CTXND2: variants seen among roughly 807,000 people sequenced by gnomAD.
CTXND2 encodes cortexin domain containing 2.
intron 1 of CTXND2, among the ~76,000 whole-genome samples, chr1:150,892,992 A>G (rs1253965373): frequency 6.6e-6 from 1 of 152,230 alleles, no homozygotes; most frequent in Non-Finnish European, 1.5e-5. Context: ...CTGAATCCAC[A>G]AACATAGTAT....
At position 150,902,030 on chromosome 1, in the gene CTXND2, C is replaced by T. The variant is rs192363580; in HGVS notation, c.-73-10212C>T. The stretch of plus-strand genomic sequence containing the variant: ...CCTGTAATCCCAGGACTTTGGGAGG[C>T]CGAGGCAGGCGGATTACCTGAGATC... On this transcript the variant is annotated intron_variant, in intron 1 of 1. Coordinates refer to ENST00000636087, the Ensembl canonical transcript of CTXND2. Among the ~76,000 whole-genome samples the T allele has an allele frequency of 5.9e-5, 9 of 152,192 alleles. No individual in the cohort carries two copies. In the South Asian group the frequency reaches 6.2e-4, roughly 11 times the overall value.
chr1:150,900,408 GAC>G (rs1176404413), intron 1 of CTXND2, among the ~76,000 whole-genome samples: 2 of 152,148 alleles, frequency 1.3e-5, no homozygotes, highest in African/African-American at 2.4e-5. Flanking sequence ...ACAAACGTTG[GAC>G]ACACCATCTT....
At chr1:150,909,232 C>T (rs1669206129) in intron 1 of CTXND2, among the ~76,000 whole-genome samples, 2 of 118,122 alleles carry the variant, frequency 1.7e-5, no homozygotes, top group Non-Finnish European at 3.4e-5. Flanking sequence ...AGCAAGACTC[C>T]TTCTCAAAAA....
intron 1 of CTXND2, among the ~76,000 whole-genome samples, chr1:150,898,691 G>A (rs971428115): frequency 5.3e-5 from 8 of 151,346 alleles, no homozygotes; most frequent in African/African-American, 1.7e-4. Flanking sequence ...AGGAGGCAGA[G>A]GTTGCAGTGA....
chr1:150,899,836 G>C lies in CTXND2; in HGVS notation c.-73-12406G>C, dbSNP rs141796100. On this transcript the variant is annotated intron_variant, in intron 1 of 1. Coordinates refer to ENST00000636087, the Ensembl canonical transcript of CTXND2. ...GCCAGGTGTGATAGTGAGACATGAA[G>C]CTATCTGGACTTCCTGGGTGGAGTG... Among the ~76,000 whole-genome samples the C allele has an allele frequency of 4.7e-4, 71 of 152,272 alleles. 1 individual carries two copies. The highest frequency in any genetic ancestry group is 2.4e-3 in the Admixed American group (37 of 15,292).
At chr1:150,910,929 G>A (rs1019654685) in intron 1 of CTXND2, among the ~76,000 whole-genome samples, 5 of 151,928 alleles carry the variant, frequency 3.3e-5, no homozygotes, top group East Asian at 1.9e-4. Flanking sequence ...CTCAGCCTCC[G>A]GAGTAGCTGG....
intron 1 of CTXND2, among the ~76,000 whole-genome samples, chr1:150,900,111 C>G (rs587774188): frequency 5.3e-5 from 8 of 152,126 alleles, no homozygotes; most frequent in African/African-American, 1.9e-4. Flanking sequence ...CCCTTTCCAC[C>G]GTGTGGAGGC....
At chr1:150,897,127 C>T (rs898330118) in intron 1 of CTXND2, among the ~76,000 whole-genome samples, 2 of 152,038 alleles carry the variant, frequency 1.3e-5, no homozygotes, top group African/African-American at 4.8e-5. Context: ...GCCTTGGAGC[C>T]CCATTAAGAC....
intron 1 of CTXND2, among the ~76,000 whole-genome samples, chr1:150,908,374 A>G (rs1286268966): frequency 6.6e-6 from 1 of 152,130 alleles, no homozygotes; most frequent in Non-Finnish European, 1.5e-5. Flanking sequence ...GCCACTTTAC[A>G]TTCCCACCAA....
At chr1:150,901,273 A>G (rs1182467691) in intron 1 of CTXND2, among the ~76,000 whole-genome samples, 1 of 152,234 alleles carries the variant, frequency 6.6e-6, no homozygotes, top group Non-Finnish European at 1.5e-5. Context: ...AAGATACACC[A>G]TGTTCACGGA....
At chr1:150,913,107 A>T (rs1256623057) in exon 2 of CTXND2, 1 of 152,156 alleles carries the variant, frequency 6.6e-6, no homozygotes, top group African/African-American at 2.4e-5. Context: ...GCTTATTTGG[A>T]AAAATGGTCT....
intron 1 of CTXND2, 57 bp from the exon 2 acceptor site, chr1:150,912,185 T>C (rs947033583): frequency 7.6e-6 from 3 of 397,128 alleles, no homozygotes; most frequent in Non-Finnish European, 1.3e-5. Flanking sequence ...CACAGTGTTA[T>C]TAAGAAAACA....
At chr1:150,901,274 T>C (rs778579301) in intron 1 of CTXND2, among the ~76,000 whole-genome samples, 6 of 152,236 alleles carry the variant, frequency 3.9e-5, no homozygotes, top group Non-Finnish European at 8.8e-5. Flanking sequence ...AGATACACCA[T>C]GTTCACGGAT....
intron 1 of CTXND2, among the ~76,000 whole-genome samples, chr1:150,897,768 C>T (rs1485989578): frequency 6.6e-6 from 1 of 152,178 alleles, no homozygotes; most frequent in Non-Finnish European, 1.5e-5. Context: ...TATATATATA[C>T]ACCCAAAGGG....
intron 1 of CTXND2, among the ~76,000 whole-genome samples, chr1:150,907,358 A>G (rs983851803): frequency 1.3e-5 from 2 of 152,226 alleles, no homozygotes; most frequent in Non-Finnish European, 2.9e-5. Context: ...GCTCTAAGCA[A>G]CCACTAATCT....
intron 1 of CTXND2, among the ~76,000 whole-genome samples, chr1:150,907,071 G>C (rs1469238282): frequency 1.3e-5 from 2 of 152,088 alleles, no homozygotes; most frequent in African/African-American, 4.8e-5. Flanking sequence ...TCCTGATCCT[G>C]TACAATGCAG....
intron 1 of CTXND2, among the ~76,000 whole-genome samples, chr1:150,900,204 C>G (rs144935245): frequency 6.6e-6 from 1 of 152,160 alleles, no homozygotes; most frequent in South Asian, 2.1e-4. Context: ...TAATACTCAC[C>G]GTGAAGGTCT....
At chr1:150,911,521 C>T (rs866823071) in intron 1 of CTXND2, among the ~76,000 whole-genome samples, 2 of 151,780 alleles carry the variant, frequency 1.3e-5, no homozygotes, top group South Asian at 4.2e-4. Flanking sequence ...CTGCAAACTC[C>T]GCTTCCTGAG....
chr1:150,898,860 G>A (rs1394877577), intron 1 of CTXND2, among the ~76,000 whole-genome samples: 2 of 146,644 alleles, frequency 1.4e-5, no homozygotes, highest in Non-Finnish European at 3.0e-5. Flanking sequence ...GGCGGATCAC[G>A]AGGTCAGGAG....
Sources: gnomAD v4.1 joint callset for allele counts (sites outside exome capture counted in the v4.1 genomes callset) on GRCh38, gnomAD v4.1.1 for gene constraint, MANE v1.5 for transcripts, NCBI Gene and HGNC (gene_info 2026-07-23, HGNC 2026-07-21) for gene names.